The following IFT81 variants were observed in gnomAD, a reference collection of about 807,000 sequenced individuals.
IFT81 encodes the protein intraflagellar transport protein 81 homolog.
In IFT81, 72 loss-of-function variants were observed where a neutral mutation model predicts 102.6. The ratio of observed to expected loss-of-function variants is 0.70; its 90% confidence interval spans 0.58 to 0.85. The LOEUF is 0.85. Ranked by LOEUF, IFT81 falls within the 40% of genes least tolerant of loss-of-function variation. IFT81 has a pLI of 0.00. For missense variants in IFT81, 723 were observed against 787.3 expected, an observed-to-expected ratio of 0.92 and a Z score of 0.98; for synonymous variants, 237 against 242.7, an observed-to-expected ratio of 0.98 and a Z score of 0.22.
intron 13 of IFT81, 140 bp downstream of exon 13, chr12:110,191,188 TGAG>T: frequency 1.3e-6 from 1 of 766,440 alleles, no homozygotes; most frequent in Non-Finnish European, 1.9e-6. Flanking sequence ...TTTTTCTTTT[TGAG>T]GCAGAGTCTC....
At chr12:110,151,556 A>G (rs1401092333) in intron 10 of IFT81, among the ~76,000 whole-genome samples, 1 of 152,188 alleles carries the variant, frequency 6.6e-6, no homozygotes, top group African/African-American at 2.4e-5. Flanking sequence ...ACAAATACAA[A>G]TTGTTTATAT....
intron 11 of IFT81, among the ~76,000 whole-genome samples, chr12:110,176,078 A>G (rs1897022289): frequency 1.3e-5 from 2 of 151,718 alleles, no homozygotes; most frequent in South Asian, 4.2e-4. Context: ...CTGTGTCCTC[A>G]GCTGCCAGGC....
chr12:110,185,298 G>A lies in IFT81; in HGVS notation c.1338+4727G>A, dbSNP rs768116426. Among the ~76,000 whole-genome samples, 14 of 151,960 alleles carry A rather than the reference G, an allele frequency of 9.2e-5. 1 individual carries two copies. Among genetic ancestry groups the A allele is most frequent in the South Asian group, 2.1e-4 (1 of 4,798 alleles). ...CCCCCTAGGTTCAAGTGATTCTCCC[G>A]CCTCAGCCTCCCAAGTAGCTGGGAC... On this transcript the variant is annotated intron_variant, in intron 12 of 18. Transcript: ENST00000242591.
intron 5 of IFT81, 46 bp downstream of exon 5, chr12:110,132,682 A>G: frequency 1.0e-6 from 1 of 1,000,992 alleles, no homozygotes; most frequent in Non-Finnish European, 1.6e-6. Flanking sequence ...GATTTGAATA[A>G]TATTGGATTT....
chr12:110,193,748 T>G (rs1310921291), intron 14 of IFT81, among the ~76,000 whole-genome samples: 2 of 152,208 alleles, frequency 1.3e-5, no homozygotes, highest in Non-Finnish European at 2.9e-5. Context: ...TACAGGGAAG[T>G]GTTAATATAT....
At chr12:110,215,278 T>A (rs1869931515) in intron 18 of IFT81, among the ~76,000 whole-genome samples, 1 of 151,824 alleles carries the variant, frequency 6.6e-6, no homozygotes, top group Non-Finnish European at 1.5e-5. Context: ...TGCTTTTCTG[T>A]CCCTCTTGGT....
intron 12 of IFT81, among the ~76,000 whole-genome samples, chr12:110,190,329 T>G (rs1281306620): frequency 6.6e-6 from 1 of 152,226 alleles, no homozygotes; most frequent in Non-Finnish European, 1.5e-5. Flanking sequence ...TCCCAGCTTT[T>G]GCACTTGCTG....
intron 11 of IFT81, among the ~76,000 whole-genome samples, chr12:110,172,888 G>C (rs1593332700): frequency 6.6e-6 from 1 of 151,940 alleles, no homozygotes; most frequent in Admixed American, 6.6e-5. Flanking sequence ...TGGCTGCCCA[G>C]TCTGGAAAGT....
At chr12:110,125,008 G>A (rs1202072532) in intron 1 of IFT81, 147 bp downstream of exon 1, 1 of 152,198 alleles carries the variant, frequency 6.6e-6, no homozygotes, top group Non-Finnish European at 1.5e-5. Flanking sequence ...CATTTTTGCA[G>A]GCTGGTGGGC....
Position 110,216,503 on chromosome 12 carries a change from C to T in IFT81, c.1849-1541C>T, listed in dbSNP as rs1273843900. On this transcript the variant is annotated intron_variant, in intron 18 of 18. Coordinates refer to ENST00000242591, the MANE Select transcript of IFT81 (RefSeq NM_014055.4). The stretch of plus-strand genomic sequence containing the variant: ...AGTCACCGTGCCCAGCCCCCAGCCT[C>T]CTATTATTCACCTTAATTTTTTTTT... 4 of 451,644 alleles carry T rather than the reference C, an allele frequency of 8.9e-6. No individual in the cohort carries two copies. The Admixed American group carries it at 9.5e-5, about 11-fold the overall frequency. 28.0% of individuals were successfully genotyped at this position (451,644 alleles called of 1,614,324 possible).
At chr12:110,204,181 A>C in intron 15 of IFT81, 1 of 391,238 alleles carries the variant, frequency 2.6e-6, no homozygotes, top group Non-Finnish European at 4.6e-6. Context: ...CACTACATCA[A>C]TGTCAAAAGA....
intron 14 of IFT81, among the ~76,000 whole-genome samples, chr12:110,198,287 T>A (rs543255394): frequency 1.3e-5 from 2 of 152,204 alleles, no homozygotes; most frequent in East Asian, 3.9e-4. Context: ...TTTCTTCTTT[T>A]AAATAATGGC....
intron 12 of IFT81, among the ~76,000 whole-genome samples, chr12:110,182,540 T>G (rs1228048464): frequency 6.6e-6 from 1 of 152,204 alleles, no homozygotes; most frequent in African/African-American, 2.4e-5. Context: ...TACTTCCCCA[T>G]TTACAGTTAA....
chr12:110,181,384 C>T (rs188662302), intron 12 of IFT81, among the ~76,000 whole-genome samples: 2 of 152,160 alleles, frequency 1.3e-5, no homozygotes, highest in Admixed American at 1.3e-4. Context: ...TTTCTTTGAC[C>T]TTTTGGTCAT....
intron 11 of IFT81, among the ~76,000 whole-genome samples, chr12:110,166,322 G>C (rs1317616254): frequency 1.3e-5 from 2 of 152,152 alleles, no homozygotes; most frequent in Non-Finnish European, 2.9e-5. Context: ...AATAGTTTCT[G>C]TTTAGGAATA....
At chr12:110,200,669 G>A (rs1290279346) in intron 14 of IFT81, among the ~76,000 whole-genome samples, 1 of 151,810 alleles carries the variant, frequency 6.6e-6, no homozygotes, top group Non-Finnish European at 1.5e-5. Flanking sequence ...AGCTTTCTTG[G>A]CCGGGCACGG....
intron 10 of IFT81, among the ~76,000 whole-genome samples, chr12:110,154,848 T>TCTCA (rs1895750694): frequency 2.0e-5 from 3 of 152,264 alleles, no homozygotes; most frequent in African/African-American, 7.2e-5. Context: ...AGTGGTGAGA[T>TCTCA]CTCAGCCTCT....
chr12:110,126,670 A>C (rs1329570821), intron 1 of IFT81, among the ~76,000 whole-genome samples: 1 of 152,134 alleles, frequency 6.6e-6, no homozygotes, highest in Non-Finnish European at 1.5e-5. Context: ...AAGAAGTTTG[A>C]GCTGTATTTT....
At chr12:110,137,831 A>G (rs908730379) in intron 8 of IFT81, among the ~76,000 whole-genome samples, 1 of 152,242 alleles carries the variant, frequency 6.6e-6, no homozygotes, top group Non-Finnish European at 1.5e-5. Flanking sequence ...TTTTAAAGCC[A>G]GGGCTATAAA....
Sources: gnomAD v4.1 joint callset for allele counts (sites outside exome capture counted in the v4.1 genomes callset) on GRCh38, gnomAD v4.1.1 for gene constraint, MANE v1.5 for transcripts, NCBI Gene and HGNC (gene_info 2026-07-23, HGNC 2026-07-21) for gene names.